CFAP46: variants seen among roughly 807,000 people sequenced by gnomAD.
CFAP46 encodes cilia and flagella associated protein 46.
CFAP46 carries 245 observed loss-of-function variants against 325.7 expected under a neutral mutation model. The observed-to-expected ratio is 0.75, with a 90% CI of 0.68 to 0.84. The LOEUF is 0.84. CFAP46 is among the 40% of genes least tolerant of loss of function. The pLI is 0.00. For synonymous variants in CFAP46, 1,523 were observed against 1,495.9 expected (o/e 1.02, Z -0.42); for missense variants, 3,346 against 3,543.0 (o/e 0.94, Z 1.41).
chr10:132,865,088 T>C (rs1171908761), intron 35 of CFAP46, among the ~76,000 whole-genome samples: 2 of 152,220 alleles, frequency 1.3e-5, no homozygotes, highest in Non-Finnish European at 2.9e-5. Flanking sequence ...CTGGAGTTTT[T>C]CTTCAAAACA....
intron 25 of CFAP46, among the ~76,000 whole-genome samples, chr10:132,890,444 C>G (rs893174715): frequency 6.6e-6 from 1 of 152,224 alleles, no homozygotes; most frequent in African/African-American, 2.4e-5. Flanking sequence ...CCCGTCACTC[C>G]TATGATGGGC....
At chr10:132,925,209 C>A (rs1244526114) in intron 10 of CFAP46, among the ~76,000 whole-genome samples, 1 of 152,250 alleles carries the variant, frequency 6.6e-6, no homozygotes, top group Non-Finnish European at 1.5e-5. Context: ...CGCTTCCCAC[C>A]CCCAGAATGC....
intron 44 of CFAP46, among the ~76,000 whole-genome samples, chr10:132,840,958 G>C (rs1053893928): frequency 2.6e-5 from 4 of 152,176 alleles, no homozygotes; most frequent in Non-Finnish European, 5.9e-5. Context: ...GGCTGAGTGT[G>C]CCAGCTCAAG....
In CFAP46 at chr10:132,939,057, T is replaced by C. The variant is rs981016644; in HGVS notation, c.372-304A>G. On this transcript the variant is annotated intron_variant, in intron 4 of 57. Coordinates refer to ENST00000368586, the MANE Select transcript of CFAP46 (RefSeq NM_001200049.3). The surrounding 1 kb of genome is among the most constrained non-coding windows in gnomAD (Gnocchi z 4.6). ...CCAGACCAGGGCCTTCTTCATCAAT[T>C]ATTCCACAAACTGATCGGCCCCCTC... 6.6e-6 allele frequency among the ~76,000 whole-genome samples: 1 copy of C among 152,144 alleles called. No individual in the cohort carries two copies. The highest frequency in any genetic ancestry group is 6.5e-5 in the Admixed American group (1 of 15,286).
At chr10:132,849,447 T>C (rs184434549) in intron 41 of CFAP46, among the ~76,000 whole-genome samples, 10 of 152,224 alleles carry the variant, frequency 6.6e-5, no homozygotes, top group African/African-American at 2.4e-4. Context: ...GAGGGCATCT[T>C]CCTTAGGAGC....
intron 19 of CFAP46, among the ~76,000 whole-genome samples, chr10:132,912,274 T>TCTCTCTC (rs1849554042): frequency 1.2e-5 from 1 of 85,600 alleles, no homozygotes; most frequent in Admixed American, 1.4e-4. Context: ...TCCTCTCTCT[T>TCTCTCTC]CTCCTCTCTC....
intron 25 of CFAP46, among the ~76,000 whole-genome samples, chr10:132,888,237 T>C (rs1849195935): frequency 2.0e-5 from 3 of 151,162 alleles, no homozygotes; most frequent in African/African-American, 7.3e-5. Flanking sequence ...GGGTCTTGGG[T>C]TTTCCTGGCT....
At position 132,817,141 on chromosome 10, in the gene CFAP46, G is replaced by A. The variant is rs967773351; in HGVS notation, c.7118-2227C>T. 4.6e-5 allele frequency among the ~76,000 whole-genome samples: 7 copies of A among 151,686 alleles called. No homozygotes were observed. Among genetic ancestry groups the A allele is most frequent in the African/African-American group, 9.6e-5 (4 of 41,490 alleles). On this transcript the variant is annotated intron_variant, in intron 50 of 57. Transcript: ENST00000368586. This position sits in a 1 kb window ranked among gnomAD's most constrained non-coding sequence, Gnocchi z 4.4. ...GGGCTGGCCAACGGCTGCACCCCGC[G>A]GTTTTTGCTTTTTATTGCTTTTTGT... is the stretch of plus-strand genomic sequence containing the variant.
rs543111164 is a variant in CFAP46, at chr10:132,837,474, C to A, written c.6439-560G>T. ...GTGCTCACGCGGACATGCACAGACA[C>A]ACACATGCACACGTACACAGATGCA... is the stretch of plus-strand genomic sequence containing the variant. On this transcript the variant is annotated intron_variant, in intron 44 of 57. Transcript: ENST00000368586. Among the ~76,000 whole-genome samples the A allele has an allele frequency of 2.0e-5, 3 of 147,766 alleles. No individual in the cohort carries two copies. In the East Asian group the frequency reaches 5.9e-4, roughly 29 times the overall value.
chr10:132,846,852 G>A, intron 43 of CFAP46, 80 bp downstream of exon 43: 1 of 1,479,062 alleles, frequency 6.8e-7, no homozygotes. Context: ...GTCCCCCCAA[G>A]GCGAGGGCCC....
At chr10:132,909,056 G>A (rs917916074) in intron 21 of CFAP46, 81 bp downstream of exon 21, 30 of 1,022,402 alleles carry the variant, frequency 2.9e-5, no homozygotes, top group South Asian at 1.3e-4. Context: ...GATGGGGCTC[G>A]AGTTCCAGCC....
intron 50 of CFAP46, among the ~76,000 whole-genome samples, chr10:132,824,161 C>A (rs1321463496): frequency 1.9e-5 from 2 of 104,162 alleles, no homozygotes; most frequent in Non-Finnish European, 3.8e-5. Context: ...TGTGTGTGTG[C>A]TGTGTGCTGT....
intron 19 of CFAP46, among the ~76,000 whole-genome samples, chr10:132,912,118 A>ACCCCCCCCC (rs1348177473): frequency 2.8e-5 from 1 of 36,290 alleles, no homozygotes; most frequent in African/African-American, 1.2e-4. Flanking sequence ...CTCTCCCTCC[A>ACCCCCCCCC]CCCCCACCCC....
At chr10:132,911,268 C>T (rs1292296383) in intron 19 of CFAP46, among the ~76,000 whole-genome samples, 1 of 152,256 alleles carries the variant, frequency 6.6e-6, no homozygotes, top group African/African-American at 2.4e-5. Context: ...CAGGGCCAGC[C>T]GTCCCCACTG....
chr10:132,822,993 GTGTGTGCTGA>G (rs1319018235), intron 50 of CFAP46, among the ~76,000 whole-genome samples: 27 of 143,072 alleles, frequency 1.9e-4, no homozygotes, highest in African/African-American at 6.2e-4. Flanking sequence ...TGTGTGCTGT[GTGTGTGCTGA>G]TGTGTGCTGT....
chr10:132,913,416 C>G (rs1263623757), intron 17 of CFAP46, among the ~76,000 whole-genome samples, 158 bp from the exon 18 acceptor site: 2 of 152,194 alleles, frequency 1.3e-5, no homozygotes, highest in African/African-American at 2.4e-5. Flanking sequence ...TACAGTCGCC[C>G]CGCCGCTGGC....
chr10:132,820,661 G>A (rs1847780017), intron 50 of CFAP46, among the ~76,000 whole-genome samples: 1 of 139,384 alleles, frequency 7.2e-6, no homozygotes, highest in Non-Finnish European at 1.5e-5. Context: ...GTGCTGATGT[G>A]TGCTGTGTGT....
At chr10:132,816,090 G>A (rs1003158338) in intron 50 of CFAP46, among the ~76,000 whole-genome samples, 134 of 152,256 alleles carry the variant, frequency 8.8e-4, no homozygotes, top group African/African-American at 3.2e-3. Flanking sequence ...CCTGGCATCG[G>A]AAGGTGTTTT....
chr10:132,860,308 G>A (rs1848703086), intron 37 of CFAP46, 109 bp downstream of exon 37: 10 of 727,292 alleles, frequency 1.4e-5, no homozygotes, highest in Admixed American at 2.4e-5. Context: ...GCCCCATGAC[G>A]TGGGTCTCTG....
Sources: allele counts gnomAD v4.1 joint callset (sites outside exome capture counted in the v4.1 genomes callset), GRCh38; gene constraint gnomAD v4.1.1; non-coding constraint Gnocchi (gnomAD v3.1); transcripts MANE v1.5; gene names NCBI Gene and HGNC (gene_info 2026-07-23, HGNC 2026-07-21).